Variants in CXXC4 observed in about 807,000 individuals in gnomAD.
CXXC4 encodes CXXC finger protein 4.
CXXC4 carries 5 observed loss-of-function variants against 20.5 expected under a neutral mutation model. The ratio of observed to expected loss-of-function variants is 0.24; its 90% confidence interval spans 0.13 to 0.51. The LOEUF (loss-of-function observed/expected upper bound fraction) is 0.51. Ranked by LOEUF, CXXC4 falls within the 20% of genes least tolerant of loss-of-function variation. The pLI is 0.97. For synonymous variants in CXXC4, 250 were observed against 216.4 expected (o/e 1.16, Z -1.36); for missense variants, 419 against 496.4 (o/e 0.84, Z 1.48).
chr4:104,477,222 T>C (rs1736431538), intron 2 of CXXC4, among the ~76,000 whole-genome samples: 1 of 152,186 alleles, frequency 6.6e-6, no homozygotes, highest in South Asian at 2.1e-4. Context: ...TGGCTACATA[T>C]AAAACTTTCA....
intron 2 of CXXC4, among the ~76,000 whole-genome samples, chr4:104,483,336 C>T (rs116406166): frequency 0.011 from 1,703 of 152,038 alleles, 37 homozygotes; most frequent in African/African-American, 0.039. Flanking sequence ...TCTTTCTATA[C>T]ACTGCATTGG....
At chr4:104,489,036 A>G (rs1210472258) in intron 2 of CXXC4, among the ~76,000 whole-genome samples, 1 of 152,212 alleles carries the variant, frequency 6.6e-6, no homozygotes, top group Non-Finnish European at 1.5e-5. Flanking sequence ...AATTTCCCAT[A>G]GTCCTTAGAA....
chr4:104,491,646 T>A lies in CXXC4; in HGVS notation c.157A>T (p.Asn53Tyr), dbSNP rs1560545151. 2 of 1,541,258 alleles carry A rather than the reference T, an allele frequency of 1.3e-6. No individual in the cohort carries two copies. Among genetic ancestry groups the A allele is most frequent in the Non-Finnish European group, 1.7e-6 (2 of 1,142,924 alleles). ...GCCGCCTGTGGGAAGGCGCCCCCGT[T>A]GGTCTTGTAGAAGGAGGTGGCAAAG... ...RSFATSFYKT[N>Y]GGAFPQAAKI... is the part of the protein sequence containing the mutation. The change falls in exon 2 of 3, where the codon AAC becomes TAC. Residue 53 changes from asparagine to tyrosine, a missense_variant. Transcript: ENST00000394767.
In CXXC4 at chr4:104,491,455, CCCCCCGCCGCCG is replaced by C. The variant is rs1238380815; in HGVS notation, c.336_347del (p.Gly131_Gly134del). The stretch of plus-strand genomic sequence containing the variant: ...CGCCGCCGCCGCCGCCGCCGCCACC[CCCCCCGCCGCCG>C]CCCCCGCCCCCGCCGCTGCCCCAGA... On this transcript the variant is annotated inframe_deletion, in exon 2 of 3. Coordinates refer to ENST00000394767, the MANE Select transcript of CXXC4 (RefSeq NM_025212.4). 92 of 875,738 alleles carry C rather than the reference CCCCCCGCCGCCG, an allele frequency of 1.1e-4. No individual in the cohort carries two copies. The highest frequency in any genetic ancestry group is 5.3e-5 in the South Asian group (1 of 18,932). 54.2% of individuals were successfully genotyped at this position (875,738 alleles called of 1,614,324 possible). A position where few individuals can be genotyped will look rare whatever the true frequency, so the allele number is the denominator to read the frequency against.
At position 104,472,289 on chromosome 4, in the gene CXXC4, C is replaced by A; in HGVS notation, c.*33G>T. On this transcript the variant is annotated 3_prime_UTR_variant, in exon 3 of 3. Transcript: ENST00000394767. ...CAAGACATTAGTTTGCCCTTCATTTCCAAATGCCTTGAAAATAAGATATAC... is the reference window on the plus strand; with the variant it reads ...CAAGACATTAGTTTGCCCTTCATTTACAAATGCCTTGAAAATAAGATATAC... 1 of 1,497,748 alleles carries A rather than the reference C, an allele frequency of 6.7e-7. No individual in the cohort carries two copies. Among genetic ancestry groups the A allele is most frequent in the South Asian group, 1.2e-5 (1 of 80,420 alleles). 92.8% of individuals were successfully genotyped at this position (1,497,748 alleles called of 1,614,324 possible).
intron 2 of CXXC4, among the ~76,000 whole-genome samples, chr4:104,483,264 T>A (rs1736600097): frequency 1.3e-5 from 2 of 151,954 alleles, no homozygotes; most frequent in Admixed American, 6.6e-5. Flanking sequence ...TTTTCCATCA[T>A]CTAAAAAGCT....
Position 104,473,005 on chromosome 4 carries a change from A to G in CXXC4, c.1060-639T>C, listed in dbSNP as rs528462339. Among the ~76,000 whole-genome samples, 7 of 152,060 alleles carry G rather than the reference A, an allele frequency of 4.6e-5. No homozygotes were observed. The South Asian group carries it at 1.5e-3, about 32-fold the overall frequency. ...TCTCTAACCACCCTACCAAAAATGCAATCAAAAACTGAAACTGAAATTTAG... is the reference window on the plus strand; with the variant it reads ...TCTCTAACCACCCTACCAAAAATGCGATCAAAAACTGAAACTGAAATTTAG... On this transcript the variant is annotated intron_variant, in intron 2 of 2. Transcript: ENST00000394767.
intron 2 of CXXC4, among the ~76,000 whole-genome samples, chr4:104,481,952 C>T (rs62329621): frequency 6.6e-6 from 1 of 152,164 alleles, no homozygotes; most frequent in Non-Finnish European, 1.5e-5. Context: ...TCACTACAGA[C>T]TTGTTCAATA....
intron 2 of CXXC4, among the ~76,000 whole-genome samples, chr4:104,488,503 G>A (rs962489476): frequency 3.3e-5 from 5 of 152,046 alleles, no homozygotes; most frequent in East Asian, 3.8e-4. Context: ...ATAGTATTCC[G>A]CTAATAATCT....
At chr4:104,474,816 T>C (rs1024748991) in intron 2 of CXXC4, among the ~76,000 whole-genome samples, 4 of 152,008 alleles carry the variant, frequency 2.6e-5, no homozygotes, top group African/African-American at 4.8e-5. Context: ...ACAGCAAAAA[T>C]ATATGGAGTA....
chr4:104,474,998 A>T (rs1736368454), intron 2 of CXXC4: 1 of 152,114 alleles, frequency 6.6e-6, no homozygotes, highest in African/African-American at 2.4e-5. Context: ...TGGGAAAAAA[A>T]GATAATCACT....
intron 2 of CXXC4, among the ~76,000 whole-genome samples, chr4:104,488,879 G>A (rs1452826986): frequency 6.6e-6 from 1 of 152,174 alleles, no homozygotes. Flanking sequence ...AAATTGGGAT[G>A]CAAGTAGTGC....
At chr4:104,476,369 C>T (rs1464299916) in intron 2 of CXXC4, among the ~76,000 whole-genome samples, 2 of 152,124 alleles carry the variant, frequency 1.3e-5, no homozygotes, top group Non-Finnish European at 2.9e-5. Context: ...AAGAATGCAT[C>T]TACATATTCT....
In CXXC4 at chr4:104,471,888, CCTT is replaced by C. The variant is rs1736285885; in HGVS notation, c.*431_*433del. ...CATAGATGCTCAGACATGATTGTCT[CCTT>C]GTGTCTAAACACACAAAATACAAGC... is the stretch of plus-strand genomic sequence containing the variant. On this transcript the variant is annotated 3_prime_UTR_variant, in exon 3 of 3. Coordinates refer to ENST00000394767, the MANE Select transcript of CXXC4 (RefSeq NM_025212.4). 1 of 152,820 alleles carries C rather than the reference CCTT, an allele frequency of 6.5e-6. No homozygotes were observed. Among genetic ancestry groups the C allele is most frequent in the Non-Finnish European group, 1.5e-5 (1 of 68,544 alleles). The allele number at this position is 152,820 out of a possible 1,614,324, so 9.5% of individuals were successfully genotyped here. A position where few individuals can be genotyped will look rare whatever the true frequency, so the allele number is the denominator to read the frequency against.
intron 2 of CXXC4, among the ~76,000 whole-genome samples, chr4:104,478,032 A>T (rs1190243489): frequency 2.6e-5 from 4 of 152,214 alleles, no homozygotes; most frequent in African/African-American, 9.6e-5. Context: ...TTTTTATGAC[A>T]TAACTTTTGG....
chr4:104,488,842 C>G (rs1279667479), intron 2 of CXXC4, among the ~76,000 whole-genome samples: 1 of 152,152 alleles, frequency 6.6e-6, no homozygotes, highest in Non-Finnish European at 1.5e-5. Flanking sequence ...CTAAATAAAT[C>G]AGAATTATTC....
At chr4:104,476,776 T>A (rs1269988002) in intron 2 of CXXC4, among the ~76,000 whole-genome samples, 1 of 152,170 alleles carries the variant, frequency 6.6e-6, no homozygotes, top group Admixed American at 6.5e-5. Context: ...GATTTCCAAC[T>A]GAAGGTCACT....
At chr4:104,480,430 T>G (rs919333718) in intron 2 of CXXC4, among the ~76,000 whole-genome samples, 1 of 152,158 alleles carries the variant, frequency 6.6e-6, no homozygotes, top group African/African-American at 2.4e-5. Context: ...CATCAGTTCA[T>G]TATAGGGGTT....
In CXXC4 at chr4:104,471,192, T is replaced by C. The variant is rs1419435305; in HGVS notation, c.*1130A>G. The C allele has an allele frequency of 6.6e-6, 1 of 152,050 alleles. No homozygotes were observed. Among genetic ancestry groups the C allele is most frequent in the Non-Finnish European group, 1.5e-5 (1 of 67,978 alleles). The allele number at this position is 152,050 out of a possible 1,614,324, so 9.4% of individuals were successfully genotyped here. A position where few individuals can be genotyped will look rare whatever the true frequency, so the allele number is the denominator to read the frequency against. On this transcript the variant is annotated 3_prime_UTR_variant, in exon 3 of 3. Coordinates refer to ENST00000394767, the MANE Select transcript of CXXC4 (RefSeq NM_025212.4). ...TAATTCTTTGTAAATTAAAAATATATCAAGCCCTGCCTCAAGGCAGAAGCC... is the reference window on the plus strand; with the variant it reads ...TAATTCTTTGTAAATTAAAAATATACCAAGCCCTGCCTCAAGGCAGAAGCC...
Sources: gnomAD v4.1 joint callset for allele counts (sites outside exome capture counted in the v4.1 genomes callset) on GRCh38, gnomAD v4.1.1 for gene constraint, MANE v1.5 for transcripts, NCBI Gene and HGNC (gene_info 2026-07-23, HGNC 2026-07-21) for gene names.